SEC16A: variants seen among roughly 807,000 people sequenced by gnomAD.
SEC16A encodes the protein protein transport protein Sec16A.
A neutral mutation model predicts 221.9 loss-of-function variants in SEC16A; 110 were observed. The ratio of observed to expected loss-of-function variants is 0.50; its 90% CI spans 0.42 to 0.58. SEC16A has a LOEUF of 0.58. Among genes scored for constraint, SEC16A ranks in the 20% least tolerant of loss-of-function variants. The pLI is 0.00. For missense variants in SEC16A, 3,165 were observed against 3,097.8 expected (o/e 1.02, Z -0.52); for synonymous variants, 1,393 against 1,257.7 (o/e 1.11, Z -2.28).
chr9:136,455,867 G>A lies in SEC16A; in HGVS notation c.5665-74C>T, dbSNP rs548185209. Reference sequence around the variant, plus strand: ...GCAGCGCTGCCCGCCTGCCACCACCGCGCTTGCTGTGTCCCTACTTCAGGA... The same window carrying A: ...GCAGCGCTGCCCGCCTGCCACCACCACGCTTGCTGTGTCCCTACTTCAGGA... On this transcript the variant is annotated intron_variant, in intron 19 of 31. Coordinates refer to ENST00000684901, the MANE Select transcript of SEC16A (RefSeq NM_014866.2). The A allele has an allele frequency of 2.2e-4, 309 of 1,429,602 alleles. 1 individual carries two copies. The African/African-American group carries it at 3.4e-3, about 16-fold the overall frequency. The allele number at this position is 1,429,602 out of a possible 1,614,324, so 88.6% of individuals were successfully genotyped here.
chr9:136,466,436 C>G lies in SEC16A; in HGVS notation c.3956G>C (p.Arg1319Thr). Residue 1319 changes from arginine (R) to threonine (T), a missense_variant, in exon 7 of 32, where the codon AGG becomes ACG. Coordinates refer to ENST00000684901, the MANE Select transcript of SEC16A (RefSeq NM_014866.2). The surrounding 1 kb of genome is among the most constrained non-coding windows in gnomAD (Gnocchi z 5.5). ...DRPEKRDNNW[R>T]YDPRFTGSFD... Reference sequence around the variant, plus strand: ...ACTCCCCGTGAAGCGAGGATCGTACCTCCAGTTGTTGTCACGTTTCTCGGG... The same window carrying G: ...ACTCCCCGTGAAGCGAGGATCGTACGTCCAGTTGTTGTCACGTTTCTCGGG... The G allele has an allele frequency of 6.2e-7, 1 of 1,607,366 alleles. No individual in the cohort carries two copies. The highest frequency in any genetic ancestry group is 8.5e-7 in the Non-Finnish European group (1 of 1,177,032).
Position 136,468,474 on chromosome 9 carries a change from C to T in SEC16A, c.3743G>A (p.Gly1248Glu). ...ATAGTAATCGCTCTGACTGCTCCAT[C>T]CACTTTTGGAACTATAGTATCCTTC... ...YPEGYYSSKS[G>E]WSSQSDYYAS... Residue 1248 changes from glycine (G) to glutamate (E), a missense_variant, in exon 5 of 32, where the codon GGA (glycine) becomes GAA (glutamate). Around this residue, in one of 3 missense-constraint regions of SEC16A, gnomAD observed 2,030 missense variants for 1,923.1 expected, o/e 1.06. Coordinates refer to ENST00000684901, the MANE Select transcript of SEC16A (RefSeq NM_014866.2). The T allele has an allele frequency of 6.2e-7, 1 of 1,613,416 alleles. No homozygotes were observed. Among genetic ancestry groups the T allele is most frequent in the Non-Finnish European group, 8.5e-7 (1 of 1,179,400 alleles).
upstream of SEC16A, among the ~76,000 whole-genome samples, chr9:136,483,230 CT>C (rs1293563156): frequency 1.0e-4 from 15 of 144,200 alleles, no homozygotes; most frequent in African/African-American, 3.8e-4. Flanking sequence ...GTCCCGCCCC[CT>C]CTGCCCCCGC....
chr9:136,457,695 G>A (rs1838880191), intron 17 of SEC16A, 111 bp from the exon 18 acceptor site: 1 of 1,360,826 alleles, frequency 7.3e-7, no homozygotes, highest in Non-Finnish European at 1.0e-6. Context: ...ATCGCCCTGT[G>A]AGCTGTGAAC....
chr9:136,460,685 G>A (rs755528663), intron 13 of SEC16A, among the ~76,000 whole-genome samples: 4 of 151,982 alleles, frequency 2.6e-5, no homozygotes, highest in Middle Eastern at 3.4e-3. Flanking sequence ...GCCAAGGCGG[G>A]CAGATCCCTT....
intron 23 of SEC16A, among the ~76,000 whole-genome samples, chr9:136,450,124 A>G (rs1296068735): frequency 6.6e-6 from 1 of 152,072 alleles, no homozygotes; most frequent in Non-Finnish European, 1.5e-5. Context: ...GAATTGCTTG[A>G]ACCTGGGAGG....
In SEC16A at chr9:136,448,720, T is replaced by A. The variant is rs1837379355; in HGVS notation, c.6313-559A>T. The stretch of plus-strand genomic sequence containing the variant: ...CAGGAGAATGGAGGTCGGGGGCAGA[T>A]CCACAGAGACACCAGGAGGATGGAG... On this transcript the variant is annotated intron_variant, in intron 23 of 31. Transcript: ENST00000684901. The A allele has an allele frequency of 6.1e-6, 4 of 653,690 alleles. No individual in the cohort carries two copies. The Admixed American group carries it at 9.3e-5, about 15-fold the overall frequency. 40.5% of individuals were successfully genotyped at this position (653,690 alleles called of 1,614,324 possible).
At chr9:136,455,958 A>G (rs1838596710) in intron 19 of SEC16A, 95 bp downstream of exon 19, 1 of 1,238,476 alleles carries the variant, frequency 8.1e-7, no homozygotes, top group Non-Finnish European at 1.1e-6. Flanking sequence ...TTGCAGTTAC[A>G]CTGTCTTTAC....
rs1837097583 is a variant in SEC16A at position 136,447,061 on chromosome 9, G to A, written c.6698-112C>T. ...CACACTGCACACGCGGCACACTCAT[G>A]CAGAAACAGGCAAATCAAAAAAAAA... is the stretch of plus-strand genomic sequence containing the variant. On this transcript the variant is annotated intron_variant, in intron 27 of 31. Coordinates refer to ENST00000684901, the MANE Select transcript of SEC16A (RefSeq NM_014866.2). This position sits in a 1 kb window ranked among gnomAD's most constrained non-coding sequence, Gnocchi z 5.5. 1 of 1,547,460 alleles carries A rather than the reference G, an allele frequency of 6.5e-7. No individual in the cohort carries two copies. Among genetic ancestry groups the A allele is most frequent in the South Asian group, 1.2e-5 (1 of 82,428 alleles).
intron 3 of SEC16A, among the ~76,000 whole-genome samples, chr9:136,472,880 T>C (rs1588990813): frequency 6.6e-6 from 1 of 151,906 alleles, no homozygotes; most frequent in East Asian, 1.9e-4. Flanking sequence ...GCGGGAGGAG[T>C]GCACTCCTGC....
In SEC16A at chr9:136,440,258, A is replaced by G. The variant is rs1388818243; in HGVS notation, c.*1497T>C. The G allele has an allele frequency of 6.6e-6, 1 of 152,404 alleles. No individual in the cohort carries two copies. The highest frequency in any genetic ancestry group is 1.5e-5 in the Non-Finnish European group (1 of 68,056). 9.4% of individuals were successfully genotyped at this position (152,404 alleles called of 1,614,324 possible). A position where few individuals can be genotyped will look rare whatever the true frequency, so the allele number is the denominator to read the frequency against. On this transcript the variant is annotated 3_prime_UTR_variant, in exon 32 of 32. Transcript: ENST00000684901. ...GGCAGAGCCGACCGGAAGAGGTCCC[A>G]GGATTCACACGAGCTGACCGAGGGA...
chr9:136,443,939 T>G, intron 30 of SEC16A, 39 bp from the exon 31 acceptor site: 1 of 1,471,084 alleles, frequency 6.8e-7, no homozygotes, highest in Non-Finnish European at 9.3e-7. Flanking sequence ...AGGGCTGCGC[T>G]GCACAGCAGC....
In SEC16A at chr9:136,466,913, C is replaced by G; in HGVS notation, c.3929+44G>C. 1.3e-6 allele frequency: 2 copies of G among 1,592,472 alleles called. No individual in the cohort carries two copies. Among genetic ancestry groups the G allele is most frequent in the South Asian group, 1.1e-5 (1 of 88,638 alleles). The stretch of plus-strand genomic sequence containing the variant: ...GAGGGCAGAGAAGCACTAGCGCGCC[C>G]TGGCTGCCCCCAGCCTCTGCCTCCC... On this transcript the variant is annotated intron_variant, in intron 6 of 31. Coordinates refer to ENST00000684901, the MANE Select transcript of SEC16A (RefSeq NM_014866.2). This position sits in a 1 kb window ranked among gnomAD's most constrained non-coding sequence, Gnocchi z 5.5.
chr9:136,446,444 GTTTT>G (rs557146300), intron 28 of SEC16A, among the ~76,000 whole-genome samples: 1 of 143,278 alleles, frequency 7.0e-6, no homozygotes, highest in Non-Finnish European at 1.5e-5. Flanking sequence ...GGAGTCATTT[GTTTT>G]TTGTTTTTTT....
Position 136,447,257 on chromosome 9 carries a change from T to A in SEC16A, c.6667A>T (p.Ile2223Phe), listed in dbSNP as rs118049182. The change falls in exon 27 of 32, where the codon ATT becomes TTT. Residue 2223 changes from isoleucine to phenylalanine, a missense_variant. Ile to Phe is a conservative substitution (Grantham distance 21). Coordinates refer to ENST00000684901, the MANE Select transcript of SEC16A (RefSeq NM_014866.2). This position sits in a 1 kb window ranked among gnomAD's most constrained non-coding sequence, Gnocchi z 5.5. ...GTTGGCACGAACAAGTTAGAAGGAATTGGGAGTGGCGCGAGTGGAGCGACA... is the reference window on the plus strand; with the variant it reads ...GTTGGCACGAACAAGTTAGAAGGAAATGGGAGTGGCGCGAGTGGAGCGACA... ...DFVAPLAPLP[I>F]PSNLFVPTPD... is the part of the protein sequence containing the mutation. 8 of 1,597,064 alleles carry A rather than the reference T, an allele frequency of 5.0e-6. No homozygotes were observed. The highest frequency in any genetic ancestry group is 6.8e-6 in the Non-Finnish European group (8 of 1,172,592).
chr9:136,451,018 G>A (rs1837713539), intron 23 of SEC16A, among the ~76,000 whole-genome samples: 1 of 152,218 alleles, frequency 6.6e-6, no homozygotes, highest in Non-Finnish European at 1.5e-5. Context: ...GTAGTGGCCA[G>A]AGGCGACCTC....
chr9:136,477,753 C>G (rs1841836650), intron 2 of SEC16A, 69 bp from the exon 3 acceptor site: 2 of 1,381,762 alleles, frequency 1.4e-6, no homozygotes, highest in Non-Finnish European at 1.9e-6. Context: ...ATCAGGAAAA[C>G]TAAGGAAAAA....
chr9:136,447,393 T>A lies in SEC16A; in HGVS notation c.6560-29A>T, dbSNP rs1290945276. On this transcript the variant is annotated intron_variant, in intron 26 of 31. Coordinates refer to ENST00000684901, the MANE Select transcript of SEC16A (RefSeq NM_014866.2). The surrounding 1 kb of genome is among the most constrained non-coding windows in gnomAD (Gnocchi z 5.5). ...CAAAGGGGAGGGAAGCAAATTGAGG[T>A]GAACGCGCCAGGTGGCCTCCAGCTT... The A allele has an allele frequency of 6.3e-7, 1 of 1,590,380 alleles. No homozygotes were observed. Among genetic ancestry groups the A allele is most frequent in the East Asian group, 2.3e-5 (1 of 43,826 alleles).
chr9:136,471,471 T>G (rs1840861142), intron 4 of SEC16A, among the ~76,000 whole-genome samples: 1 of 151,932 alleles, frequency 6.6e-6, no homozygotes, highest in African/African-American at 2.4e-5. Context: ...GAGACCTGCC[T>G]TAAAAGAAAA....
Sources: gnomAD v4.1 joint callset for allele counts (sites outside exome capture counted in the v4.1 genomes callset) on GRCh38, gnomAD v4.1.1 for gene constraint, gnomAD v4.1.1 regional missense constraint, Gnocchi (gnomAD v3.1) non-coding constraint, MANE v1.5 for transcripts, NCBI Gene and HGNC (gene_info 2026-07-23, HGNC 2026-07-21) for gene names.